NDST4: variants seen among roughly 807,000 people sequenced by gnomAD.
NDST4 encodes the protein N-heparan sulfate sulfotransferase 4.
A neutral mutation model predicts 100.8 loss-of-function variants in NDST4; 63 were observed. The ratio of observed to expected loss-of-function variants is 0.62; its 90% CI spans 0.51 to 0.77. The LOEUF (loss-of-function observed/expected upper bound fraction) is 0.77. Ranked by LOEUF, NDST4 falls within the 30% of genes least tolerant of loss-of-function variation. The pLI is 0.00. For missense variants in NDST4, 943 were observed against 1,018.4 expected (o/e 0.93, Z 1.01); for synonymous variants, 377 against 361.8 (o/e 1.04, Z -0.48).
At chr4:114,928,271 T>C (rs1725425000) in intron 6 of NDST4, among the ~76,000 whole-genome samples, 1 of 152,164 alleles carries the variant, frequency 6.6e-6, no homozygotes, top group South Asian at 2.1e-4. Context: ...CTTTCCTCAT[T>C]CCATTCCTGC....
intron 6 of NDST4, among the ~76,000 whole-genome samples, chr4:114,919,966 C>G (rs949554828): frequency 3.3e-5 from 5 of 152,072 alleles, no homozygotes; most frequent in Admixed American, 1.3e-4. Context: ...AAAGGAATAT[C>G]TCTTGGTATT....
intron 2 of NDST4, 72 bp from the exon 3 acceptor site, chr4:114,977,346 T>C: frequency 3.3e-6 from 3 of 920,894 alleles, no homozygotes; most frequent in South Asian, 1.5e-5. Context: ...CTTTTGCAAA[T>C]GTGTATGCAT....
chr4:114,841,545 T>G (rs886905297), intron 10 of NDST4, among the ~76,000 whole-genome samples: 3 of 152,216 alleles, frequency 2.0e-5, no homozygotes, highest in African/African-American at 7.2e-5. Flanking sequence ...TCATAAAGAT[T>G]CTCTTTTATT....
intron 2 of NDST4, among the ~76,000 whole-genome samples, chr4:115,010,337 C>A (rs1428302535): frequency 1.6e-5 from 2 of 127,622 alleles, no homozygotes; most frequent in Admixed American, 8.0e-5. Flanking sequence ...ACATATACAC[C>A]ATGGAATACT....
intron 6 of NDST4, among the ~76,000 whole-genome samples, chr4:114,934,736 A>C (rs993935807): frequency 2.6e-5 from 4 of 152,004 alleles, no homozygotes; most frequent in Non-Finnish European, 4.4e-5. Flanking sequence ...TTGCTAAGAG[A>C]ATAAATATTT....
intron 10 of NDST4, chr4:114,842,712 A>C (rs1310931290): frequency 5.0e-6 from 1 of 199,638 alleles, no homozygotes; most frequent in Non-Finnish European, 1.0e-5. Flanking sequence ...GAGGCAGGAG[A>C]ATGGCATGAA....
At chr4:114,981,090 T>C (rs955379569) in intron 2 of NDST4, among the ~76,000 whole-genome samples, 1 of 151,996 alleles carries the variant, frequency 6.6e-6, no homozygotes, top group Non-Finnish European at 1.5e-5. Context: ...GGGTGTGTAA[T>C]ATACCTGTAG....
At chr4:114,955,416 C>A (rs902616376) in intron 4 of NDST4, among the ~76,000 whole-genome samples, 8 of 152,088 alleles carry the variant, frequency 5.3e-5, no homozygotes, top group African/African-American at 1.9e-4. Flanking sequence ...AACAAGGGGC[C>A]AGTTGCTAGG....
rs1323441744 is a variant in NDST4, at chr4:115,076,070, T to G, written c.967A>C (p.Lys323Gln). The G allele has an allele frequency of 5.6e-6, 9 of 1,606,782 alleles. No individual in the cohort carries two copies. Among genetic ancestry groups the G allele is most frequent in the Non-Finnish European group, 7.7e-6 (9 of 1,176,084 alleles). The change falls in exon 2 of 14, where the codon AAA (lysine) becomes CAA (glutamine). Residue 323 changes from lysine to glutamine, a missense_variant. By Grantham distance (53) the Lys-to-Gln change is moderately conservative. Transcript: ENST00000264363. ...ATAAATAAGCTTACCTTCACATCTTTGACATTCATCCTTGTTCCCTCTTTC... is the reference window on the plus strand; with the variant it reads ...ATAAATAAGCTTACCTTCACATCTTGGACATTCATCCTTGTTCCCTCTTTC... ...VGKEGTRMNV[K>Q]DVKALLETQN...
chr4:115,047,307 T>A (rs1728483141), intron 2 of NDST4, among the ~76,000 whole-genome samples: 1 of 152,120 alleles, frequency 6.6e-6, no homozygotes, highest in South Asian at 2.1e-4. Flanking sequence ...GAAATTAATG[T>A]AGTAATTTTT....
At chr4:114,901,891 A>G (rs7663777) in intron 6 of NDST4, among the ~76,000 whole-genome samples, 8,957 of 151,688 alleles carry the variant, frequency 0.059, 722 homozygotes, top group African/African-American at 0.18. Context: ...TTTACAATTA[A>G]TCCAAGTCCA....
intron 1 of NDST4, among the ~76,000 whole-genome samples, chr4:115,095,126 G>C (rs1330215175): frequency 6.6e-6 from 1 of 152,004 alleles, no homozygotes; most frequent in Non-Finnish European, 1.5e-5. Flanking sequence ...CACTGCTGTA[G>C]GTATTGGGCT....
intron 2 of NDST4, among the ~76,000 whole-genome samples, chr4:115,058,094 A>G (rs530888092): frequency 6.6e-6 from 1 of 152,296 alleles, no homozygotes; most frequent in South Asian, 2.1e-4. Flanking sequence ...CTGACAAAAA[A>G]CATCCAGAAA....
chr4:114,917,568 A>G (rs1725200593), intron 6 of NDST4, among the ~76,000 whole-genome samples: 2 of 152,132 alleles, frequency 1.3e-5, no homozygotes, highest in South Asian at 4.1e-4. Context: ...GCTTGAACCC[A>G]AGAGTTCAAG....
chr4:114,980,845 C>T (rs1357607728), intron 2 of NDST4, among the ~76,000 whole-genome samples: 2 of 151,820 alleles, frequency 1.3e-5, no homozygotes, highest in Non-Finnish European at 2.9e-5. Flanking sequence ...TTATAAAAAT[C>T]AATAATTTAT....
At chr4:114,894,696 C>G (rs1157370497) in intron 6 of NDST4, among the ~76,000 whole-genome samples, 2 of 152,094 alleles carry the variant, frequency 1.3e-5, no homozygotes, top group Admixed American at 6.6e-5. Flanking sequence ...ACAGAGACAA[C>G]CTGACTTCCT....
At chr4:114,969,712 C>T (rs1560836428) in intron 4 of NDST4, among the ~76,000 whole-genome samples, 1 of 152,154 alleles carries the variant, frequency 6.6e-6, no homozygotes, top group Non-Finnish European at 1.5e-5. Context: ...TTTATCCAAT[C>T]TACTGTTGAT....
rs542269742 is a variant in NDST4, at chr4:114,942,132, G to T, written c.1222-4629C>A. 5.9e-5 allele frequency among the ~76,000 whole-genome samples: 9 copies of T among 152,220 alleles called. No homozygotes were observed. The South Asian group carries it at 1.9e-3, about 32-fold the overall frequency. ...CTGAGTAGCCAGTGAATACTGTATAGAAAATAAATAGGAGACTACAGTCAT... is the reference window on the plus strand; with the variant it reads ...CTGAGTAGCCAGTGAATACTGTATATAAAATAAATAGGAGACTACAGTCAT... On this transcript the variant is annotated intron_variant, in intron 4 of 13. Transcript: ENST00000264363.
intron 2 of NDST4, among the ~76,000 whole-genome samples, chr4:114,989,225 C>T (rs1390363327): frequency 6.6e-6 from 1 of 152,162 alleles, no homozygotes; most frequent in Admixed American, 6.5e-5. Flanking sequence ...TGAATGGTAA[C>T]ATTTTCCAGT....
Sources: gnomAD v4.1 joint callset for allele counts (sites outside exome capture counted in the v4.1 genomes callset) on GRCh38, gnomAD v4.1.1 for gene constraint, MANE v1.5 for transcripts, NCBI Gene and HGNC (gene_info 2026-07-23, HGNC 2026-07-21) for gene names.